Variants in RIT2 observed in about 807,000 individuals in gnomAD.
The protein encoded by RIT2 is GTP-binding protein Rit2.
Under a neutral mutation model 23.7 loss-of-function variants are expected in RIT2, and 24 were observed. The observed-to-expected ratio is 1.01, with a 90% CI of 0.73 to 1.43. The LOEUF (loss-of-function observed/expected upper bound fraction) is 1.43. Ranked by LOEUF, RIT2 falls within the 40% of genes most tolerant of loss-of-function variation. The pLI, the probability that RIT2 is intolerant of heterozygous loss-of-function variation, is 0.00. For missense variants in RIT2, 236 were observed against 266.9 expected (o/e 0.88, Z 0.81); for synonymous variants, 107 against 91.1 (o/e 1.17, Z -0.99).
chr18:42,952,731 TA>T (rs927588215), intron 3 of RIT2, among the ~76,000 whole-genome samples: 5 of 151,798 alleles, frequency 3.3e-5, no homozygotes, highest in Non-Finnish European at 5.9e-5. Context: ...TTTTATGAAA[TA>T]AAAAAATATA....
chr18:42,948,948 C>G (rs566607233), intron 3 of RIT2: 2 of 397,458 alleles, frequency 5.0e-6, no homozygotes, highest in South Asian at 1.3e-4. Context: ...CTCAGAGCAA[C>G]TCTGCTCTTG....
At chr18:42,942,055 T>G (rs1440771192) in intron 3 of RIT2, among the ~76,000 whole-genome samples, 1 of 152,080 alleles carries the variant, frequency 6.6e-6, no homozygotes, top group Non-Finnish European at 1.5e-5. Flanking sequence ...CATTTATGTA[T>G]GACTCATCAA....
chr18:43,095,790 C>T (rs1465854910), intron 1 of RIT2, among the ~76,000 whole-genome samples: 2 of 151,806 alleles, frequency 1.3e-5, no homozygotes, highest in African/African-American at 4.8e-5. Context: ...TTTGATTAGA[C>T]AAGATATTTA....
At chr18:43,096,253 A>G (rs1181206086) in intron 1 of RIT2, among the ~76,000 whole-genome samples, 1 of 151,922 alleles carries the variant, frequency 6.6e-6, no homozygotes, top group Non-Finnish European at 1.5e-5. Flanking sequence ...GAATTGAATG[A>G]AACTTTAAAA....
chr18:43,073,107 C>T (rs1364258380), intron 1 of RIT2, among the ~76,000 whole-genome samples: 2 of 149,430 alleles, frequency 1.3e-5, no homozygotes, highest in East Asian at 2.0e-4. Context: ...TAGAACTCCT[C>T]AGGGGCCACA....
intron 4 of RIT2, among the ~76,000 whole-genome samples, chr18:42,825,852 C>G (rs532922280): frequency 2.6e-5 from 4 of 151,872 alleles, no homozygotes; most frequent in Non-Finnish European, 4.4e-5. Flanking sequence ...AATCTCTATG[C>G]CTTTCACTCT....
At chr18:42,940,871 A>G (rs1255926765) in intron 3 of RIT2, among the ~76,000 whole-genome samples, 1 of 152,098 alleles carries the variant, frequency 6.6e-6, no homozygotes, top group African/African-American at 2.4e-5. Flanking sequence ...AAGTTTTCTA[A>G]CTCTTACAGC....
At chr18:42,758,071 T>C (rs1364699507) in intron 4 of RIT2, among the ~76,000 whole-genome samples, 1 of 152,084 alleles carries the variant, frequency 6.6e-6, no homozygotes, top group Admixed American at 6.6e-5. Flanking sequence ...TTTAGTCTTC[T>C]TCTATAACAG....
chr18:42,831,121 GACTA>G (rs1598672684), intron 4 of RIT2, among the ~76,000 whole-genome samples: 1 of 152,158 alleles, frequency 6.6e-6, no homozygotes, highest in Non-Finnish European at 1.5e-5. Flanking sequence ...TCCACCCTGG[GACTA>G]ACTAATTATC....
intron 2 of RIT2, among the ~76,000 whole-genome samples, chr18:43,028,734 T>C (rs1238213635): frequency 3.3e-5 from 5 of 151,964 alleles, no homozygotes; most frequent in Admixed American, 6.6e-5. Context: ...GTTTGCTCTC[T>C]AGAATAATTG....
intron 1 of RIT2, among the ~76,000 whole-genome samples, chr18:43,057,375 G>A (rs1428252106): frequency 6.6e-6 from 1 of 152,104 alleles, no homozygotes; most frequent in East Asian, 1.9e-4. Flanking sequence ...TAAGACAAGG[G>A]CCAGTGCCAT....
intron 4 of RIT2, among the ~76,000 whole-genome samples, chr18:42,817,968 ACAG>A (rs1906044401): frequency 1.3e-5 from 2 of 152,044 alleles, no homozygotes; most frequent in African/African-American, 4.8e-5. Flanking sequence ...ATAATAATAT[ACAG>A]ATTTATTTAA....
intron 2 of RIT2, among the ~76,000 whole-genome samples, chr18:43,001,260 C>A (rs965135183): frequency 1.3e-5 from 2 of 151,862 alleles, no homozygotes; most frequent in Non-Finnish European, 2.9e-5. Context: ...GAGGGCCACA[C>A]AGTGAATGTT....
intron 3 of RIT2, among the ~76,000 whole-genome samples, chr18:42,933,029 A>G (rs1909364897): frequency 6.6e-6 from 1 of 152,168 alleles, no homozygotes; most frequent in Non-Finnish European, 1.5e-5. Context: ...TTAGAGTACA[A>G]CATCTATGCT....
At chr18:42,906,385 A>C (rs1028215657) in intron 4 of RIT2, among the ~76,000 whole-genome samples, 1 of 152,174 alleles carries the variant, frequency 6.6e-6, no homozygotes. Context: ...AAAACTGCTT[A>C]AATCATATTA....
intron 1 of RIT2, among the ~76,000 whole-genome samples, chr18:43,078,856 C>T (rs950137023): frequency 3.3e-5 from 5 of 152,134 alleles, no homozygotes; most frequent in African/African-American, 9.7e-5. Flanking sequence ...TGTCCAAGGG[C>T]ATCTACAGAG....
At chr18:42,790,265 A>T (rs909157791) in intron 4 of RIT2, among the ~76,000 whole-genome samples, 4 of 152,152 alleles carry the variant, frequency 2.6e-5, no homozygotes, top group African/African-American at 9.7e-5. Context: ...GATATAGCTA[A>T]TCTTTCCTCT....
chr18:42,861,794 C>T (rs537067178), intron 4 of RIT2, among the ~76,000 whole-genome samples: 20 of 152,280 alleles, frequency 1.3e-4, no homozygotes, highest in African/African-American at 4.8e-4. Context: ...TTATCCAATA[C>T]ACCTCCTCTT....
chr18:42,891,430 T>C (rs9964829), intron 4 of RIT2, among the ~76,000 whole-genome samples: 34,788 of 152,100 alleles, frequency 0.23, 4,155 homozygotes, highest in African/African-American at 0.28. Context: ...AATAAAAATG[T>C]CATTCAATGT....
Sources: allele counts gnomAD v4.1 joint callset (sites outside exome capture counted in the v4.1 genomes callset), GRCh38; gene constraint gnomAD v4.1.1; transcripts MANE v1.5; gene names NCBI Gene and HGNC (gene_info 2026-07-23, HGNC 2026-07-21).